Variants in MCC observed in about 807,000 individuals in gnomAD.
The protein encoded by MCC is MCC regulator of Wnt signaling pathway.
MCC carries 90 observed loss-of-function variants against 116.2 expected under a neutral mutation model. That is an observed-to-expected ratio of 0.77 (90% CI 0.65 to 0.92). The LOEUF (loss-of-function observed/expected upper bound fraction) is 0.92. Ranked by LOEUF, MCC falls within the 40% of genes least tolerant of loss-of-function variation. The probability of loss-of-function intolerance (pLI) is 0.00; values close to 1 mark genes in which losing one functional copy is unlikely to be tolerated. For synonymous variants in MCC, 578 were observed against 510.5 expected (o/e 1.13, Z -1.78); for missense variants, 1,516 against 1,312.2 (o/e 1.16, Z -2.40).
chr5:113,067,992 G>A, intron 13 of MCC, 88 bp downstream of exon 13: 4 of 1,143,170 alleles, frequency 3.5e-6, no homozygotes, highest in South Asian at 1.2e-5. Context: ...GTTGTCGGGA[G>A]ATGATTCAAT....
chr5:113,156,479 G>C (rs1760176946), intron 3 of MCC, among the ~76,000 whole-genome samples: 1 of 152,182 alleles, frequency 6.6e-6, no homozygotes. Context: ...GGGACACTCA[G>C]ACTAGGAAAA....
At chr5:113,239,800 G>A (rs940606238) in intron 3 of MCC, among the ~76,000 whole-genome samples, 6 of 152,122 alleles carry the variant, frequency 3.9e-5, no homozygotes, top group African/African-American at 1.4e-4. Context: ...CGGTGAACTG[G>A]CAACTCCTCT....
rs778787297 is a variant in MCC, at chr5:113,385,144, A to C, written c.239T>G (p.Leu80Trp). The C allele has an allele frequency of 6.2e-7, 1 of 1,614,186 alleles. No individual in the cohort carries two copies. Among genetic ancestry groups the C allele is most frequent in the Admixed American group, 1.7e-5 (1 of 60,026 alleles). The change falls in exon 2 of 19, where the codon TTG becomes TGG. Residue 80 changes from leucine to tryptophan, a missense_variant. By Grantham distance (61) the Leu-to-Trp change is moderately conservative. Coordinates refer to ENST00000408903, the MANE Select transcript of MCC (RefSeq NM_001085377.2). Reference protein sequence around the residue: ...EESVAEIMNQLGADENGKISF... With the variant: ...EESVAEIMNQWGADENGKISF... ...AATCTTCCCATTTTCATCTGCTCCC[A>C]ACTGGTTCATGATCTCAGCCACAGA...
At chr5:113,484,541 C>G (rs1162699752) in intron 1 of MCC, among the ~76,000 whole-genome samples, 1 of 151,996 alleles carries the variant, frequency 6.6e-6, no homozygotes, top group Non-Finnish European at 1.5e-5. Flanking sequence ...GGCAAAGTAG[C>G]AAACAGAAAT....
chr5:113,440,787 AAG>A (rs1207031199), intron 1 of MCC, among the ~76,000 whole-genome samples: 2 of 152,220 alleles, frequency 1.3e-5, no homozygotes, highest in East Asian at 1.9e-4. Context: ...GAACAGGAAA[AAG>A]AGAAGAAAAA....
At chr5:113,090,963 AGG>A (rs1220831801) in intron 8 of MCC, among the ~76,000 whole-genome samples, 1 of 152,216 alleles carries the variant, frequency 6.6e-6, no homozygotes, top group Non-Finnish European at 1.5e-5. Context: ...CCGCAAGCCC[AGG>A]GGCTGTGAGC....
chr5:113,423,978 C>G (rs747684476), intron 1 of MCC, among the ~76,000 whole-genome samples: 1 of 152,058 alleles, frequency 6.6e-6, no homozygotes, highest in African/African-American at 2.4e-5. Flanking sequence ...TTTATACCAA[C>G]CAGATGGCAG....
chr5:113,295,563 T>TGAAAGATGTCGATAGGCTCCCCAAC (rs1232997052), intron 3 of MCC, among the ~76,000 whole-genome samples: 2 of 151,986 alleles, frequency 1.3e-5, no homozygotes, highest in Non-Finnish European at 2.9e-5. Flanking sequence ...CCCCAGACCT[T>TGAAAGATGTCGATAGGCTCCCCAAC]CCTTAATTGA....
In MCC at chr5:113,434,402, C is replaced by T. The variant is rs369016859; in HGVS notation, c.171-49190G>A. 2 of 1,613,840 alleles carry T rather than the reference C, an allele frequency of 1.2e-6. No individual in the cohort carries two copies. The highest frequency in any genetic ancestry group is 2.7e-5 in the African/African-American group (2 of 74,864). Reference sequence around the variant, plus strand: ...AGTCGGACAGCTTGATGTTGAAGTCCTTGTCAAGGAGAAGGTTGTCACACT... The same window carrying T: ...AGTCGGACAGCTTGATGTTGAAGTCTTTGTCAAGGAGAAGGTTGTCACACT... On this transcript the variant is annotated intron_variant, in intron 1 of 18. Transcript: ENST00000408903. The surrounding 1 kb of genome is among the most constrained non-coding windows in gnomAD (Gnocchi z 4.2).
intron 3 of MCC, among the ~76,000 whole-genome samples, chr5:113,334,868 G>A (rs993946577): frequency 4.0e-5 from 6 of 151,554 alleles, no homozygotes; most frequent in Non-Finnish European, 8.8e-5. Flanking sequence ...TGGCATTACA[G>A]GCGTGAGCCA....
At chr5:113,119,982 A>G (rs1219080084) in intron 6 of MCC, among the ~76,000 whole-genome samples, 1 of 152,264 alleles carries the variant, frequency 6.6e-6, no homozygotes, top group African/African-American at 2.4e-5. Context: ...AAAGACATCC[A>G]TGTAAATGTG....
At chr5:113,327,896 A>G (rs540951684) in intron 3 of MCC, among the ~76,000 whole-genome samples, 1 of 152,092 alleles carries the variant, frequency 6.6e-6, no homozygotes, top group South Asian at 2.1e-4. Context: ...TATTTAGGAA[A>G]AACATTAGGA....
intron 1 of MCC, among the ~76,000 whole-genome samples, chr5:113,442,476 T>C (rs1184526893): frequency 6.6e-6 from 1 of 152,256 alleles, no homozygotes; most frequent in Non-Finnish European, 1.5e-5. Context: ...GCAGTTTCTT[T>C]TGCCCTGCAG....
At chr5:113,078,308 GGCCA>G (rs1273529436) in intron 11 of MCC, among the ~76,000 whole-genome samples, 3 of 152,172 alleles carry the variant, frequency 2.0e-5, no homozygotes, top group Admixed American at 6.5e-5. Context: ...CATTTTATGA[GGCCA>G]GCATCATCCT....
intron 3 of MCC, among the ~76,000 whole-genome samples, chr5:113,282,166 C>A (rs961607187): frequency 6.6e-6 from 1 of 152,090 alleles, no homozygotes; most frequent in African/African-American, 2.4e-5. Context: ...GTTTTACAGA[C>A]AAAGAAACTG....
At chr5:113,332,564 CAAA>C (rs35391036) in intron 3 of MCC, among the ~76,000 whole-genome samples, 12 of 88,370 alleles carry the variant, frequency 1.4e-4, no homozygotes, top group Non-Finnish European at 1.8e-4. Context: ...AACCTGTCTC[CAAA>C]AAAAAAAAAA....
At chr5:113,088,830 G>C (rs908422508) in intron 8 of MCC, among the ~76,000 whole-genome samples, 1 of 151,976 alleles carries the variant, frequency 6.6e-6, no homozygotes, top group African/African-American at 2.4e-5. Flanking sequence ...ATTTTTTTGA[G>C]ACACGGTCTC....
intron 3 of MCC, among the ~76,000 whole-genome samples, chr5:113,210,075 C>T (rs1268988328): frequency 6.6e-6 from 1 of 152,106 alleles, no homozygotes; most frequent in East Asian, 1.9e-4. Context: ...ATGTGATATA[C>T]CCTATGACAT....
intron 1 of MCC, among the ~76,000 whole-genome samples, chr5:113,420,493 A>G (rs900702683): frequency 6.6e-6 from 1 of 152,272 alleles, no homozygotes; most frequent in African/African-American, 2.4e-5. Context: ...GATCATCTCT[A>G]TGAAATAAAT....
Sources: allele counts gnomAD v4.1 joint callset (sites outside exome capture counted in the v4.1 genomes callset), GRCh38; gene constraint gnomAD v4.1.1; non-coding constraint Gnocchi (gnomAD v3.1); transcripts MANE v1.5; gene names NCBI Gene and HGNC (gene_info 2026-07-23, HGNC 2026-07-21).